Variants in TMEM117 observed in about 807,000 individuals in gnomAD.
The protein encoded by TMEM117 is transmembrane protein 117.
TMEM117 carries 27 observed loss-of-function variants against 52.4 expected under a neutral mutation model. The observed-to-expected ratio is 0.51, with a 90% CI of 0.38 to 0.71. The LOEUF is 0.71. TMEM117 is among the 30% of genes least tolerant of loss of function. TMEM117 has a pLI of 0.00. For missense variants in TMEM117, 556 were observed against 630.5 expected (o/e 0.88, Z 1.26); for synonymous variants, 215 against 206.3 (o/e 1.04, Z -0.36).
chr12:44,311,833 ATATATGTATATATATG>A (rs1361558202), intron 6 of TMEM117, among the ~76,000 whole-genome samples: 48 of 118,386 alleles, frequency 4.1e-4, no homozygotes, highest in East Asian at 6.4e-4. Context: ...GTATATATGT[ATATATGTATATATATG>A]TATATATGTA....
intron 2 of TMEM117, among the ~76,000 whole-genome samples, chr12:43,938,020 A>T (rs1944980969): frequency 6.6e-6 from 1 of 152,024 alleles, no homozygotes; most frequent in South Asian, 2.1e-4. Flanking sequence ...CAAGGGAGAC[A>T]GTGGAGGTAA....
At chr12:43,814,910 A>G in the TMEM117 span, among the ~76,000 whole-genome samples, 3 of 151,824 alleles carry the variant, frequency 2.0e-5, no homozygotes, top group African/African-American at 7.3e-5. Flanking sequence ...ATGCCCAGCT[A>G]ATTTTTTTAT....
chr12:44,042,419 A>G (rs113191188), intron 3 of TMEM117, among the ~76,000 whole-genome samples: 14,497 of 151,612 alleles, frequency 0.096, 1,100 homozygotes, highest in African/African-American at 0.2. Flanking sequence ...ACTTGACTGG[A>G]TTGAAGGATA....
At chr12:44,082,765 A>G (rs1947502726) in intron 3 of TMEM117, among the ~76,000 whole-genome samples, 1 of 152,152 alleles carries the variant, frequency 6.6e-6, no homozygotes, top group South Asian at 2.1e-4. Context: ...TCAAATCAGG[A>G]ATCAGAACAA....
chr12:44,226,069 C>T (rs1949856852), intron 5 of TMEM117, among the ~76,000 whole-genome samples: 1 of 152,214 alleles, frequency 6.6e-6, no homozygotes, highest in African/African-American at 2.4e-5. Context: ...TCTACATTTA[C>T]ATGGCGCTCT....
the TMEM117 span, among the ~76,000 whole-genome samples, chr12:43,815,464 C>T: frequency 6.6e-6 from 1 of 152,148 alleles, no homozygotes; most frequent in African/African-American, 2.4e-5. Flanking sequence ...GGAACTGATG[C>T]AGAGTGAATT....
At chr12:44,372,999 T>C (rs942771847) in intron 6 of TMEM117, among the ~76,000 whole-genome samples, 2 of 152,218 alleles carry the variant, frequency 1.3e-5, no homozygotes, top group Non-Finnish European at 2.9e-5. Flanking sequence ...TCAATTATAC[T>C]TCAGTAAAAA....
chr12:43,896,634 T>G (rs1408570057), intron 2 of TMEM117, among the ~76,000 whole-genome samples: 20 of 152,104 alleles, frequency 1.3e-4, no homozygotes, highest in Admixed American at 8.5e-4. Flanking sequence ...ATTTTTTTTT[T>G]TGTGGTCCAC....
intron 5 of TMEM117, among the ~76,000 whole-genome samples, chr12:44,277,348 C>T (rs1049615061): frequency 4.6e-5 from 7 of 151,948 alleles, no homozygotes; most frequent in Non-Finnish European, 7.4e-5. Flanking sequence ...TCCCAAGTAT[C>T]CTAAATTTCT....
At chr12:44,203,630 G>C (rs1270483628) in intron 4 of TMEM117, among the ~76,000 whole-genome samples, 1 of 152,170 alleles carries the variant, frequency 6.6e-6, no homozygotes, top group Non-Finnish European at 1.5e-5. Flanking sequence ...CTTTGTCCTA[G>C]AGATTCTGGT....
At chr12:43,974,307 A>G (rs1945637760) in intron 3 of TMEM117, among the ~76,000 whole-genome samples, 1 of 152,166 alleles carries the variant, frequency 6.6e-6, no homozygotes. Context: ...TCTTTTAAGT[A>G]TTTTATAAAG....
intron 3 of TMEM117, among the ~76,000 whole-genome samples, chr12:44,118,257 C>T (rs1482368704): frequency 2.0e-5 from 3 of 151,910 alleles, no homozygotes; most frequent in Non-Finnish European, 4.4e-5. Context: ...GAGATCAACC[C>T]CTTTCTCATT....
chr12:43,996,804 G>T (rs1225413683), intron 3 of TMEM117, among the ~76,000 whole-genome samples: 1 of 152,102 alleles, frequency 6.6e-6, no homozygotes, highest in Non-Finnish European at 1.5e-5. Context: ...TCAGAGATGG[G>T]CACTTGACTC....
At chr12:44,063,634 C>T (rs1947176280) in intron 3 of TMEM117, among the ~76,000 whole-genome samples, 1 of 98,418 alleles carries the variant, frequency 1.0e-5, no homozygotes, top group Admixed American at 1.2e-4. Flanking sequence ...CACCCCACAA[C>T]AGCCCCCGGT....
chr12:44,146,995 A>C (rs1054260083), intron 4 of TMEM117, among the ~76,000 whole-genome samples: 2 of 152,144 alleles, frequency 1.3e-5, no homozygotes, highest in Non-Finnish European at 2.9e-5. Flanking sequence ...ACAGAGCTTC[A>C]AGCTCTGCTG....
chr12:43,980,085 T>C (rs1452038261), intron 3 of TMEM117, among the ~76,000 whole-genome samples: 1 of 152,226 alleles, frequency 6.6e-6, no homozygotes, highest in Admixed American at 6.5e-5. Flanking sequence ...TTGCCTAAGA[T>C]AGGGTCCCAC....
At chr12:44,299,804 A>G (rs767048496) in intron 6 of TMEM117, 65 bp downstream of exon 6, 20 of 1,562,666 alleles carry the variant, frequency 1.3e-5, no homozygotes, top group Non-Finnish European at 1.7e-5. Flanking sequence ...AACAAACAGG[A>G]TATGGCAACA....
chr12:44,310,432 A>T (rs1050290150), intron 6 of TMEM117, among the ~76,000 whole-genome samples: 1 of 152,194 alleles, frequency 6.6e-6, no homozygotes, highest in Admixed American at 6.5e-5. Context: ...TGAGGTCGGG[A>T]GTTCAAGACC....
chr12:44,176,350 C>T (rs114004900), intron 4 of TMEM117, among the ~76,000 whole-genome samples: 252 of 152,220 alleles, frequency 1.7e-3, no homozygotes, highest in African/African-American at 5.0e-3. Flanking sequence ...GTGGAATGAA[C>T]GAGTGAATAA....
Sources: allele counts gnomAD v4.1 joint callset (sites outside exome capture counted in the v4.1 genomes callset), GRCh38; gene constraint gnomAD v4.1.1; transcripts MANE v1.5; gene names NCBI Gene and HGNC (gene_info 2026-07-23, HGNC 2026-07-21).